Variants in TRAP1 observed in about 807,000 individuals in gnomAD.
TRAP1 encodes the protein TNF receptor associated protein 1.
TRAP1 carries 102 observed loss-of-function variants against 89.1 expected under a neutral mutation model. That is an observed-to-expected ratio of 1.15 (90% CI 0.98 to 1.35). The LOEUF (loss-of-function observed/expected upper bound fraction) is 1.35. TRAP1 is among the 40% of genes most tolerant of loss of function. The pLI is 0.00. For missense variants in TRAP1, 1,256 were observed against 945.3 expected (o/e 1.33, Z -4.31); for synonymous variants, 508 against 388.0 (o/e 1.31, Z -3.64).
At chr16:3,690,718 C>T (rs1182219949) in intron 2 of TRAP1, 109 bp downstream of exon 2, 7 of 1,178,892 alleles carry the variant, frequency 5.9e-6, no homozygotes, top group Non-Finnish European at 7.8e-6. Flanking sequence ...TCTGATTTCA[C>T]ACCTAAGGCG....
At position 3,672,735 on chromosome 16, in the gene TRAP1, G is replaced by A. The variant is rs774978448; in HGVS notation, c.1130C>T (p.Thr377Met). The A allele has an allele frequency of 1.2e-5, 20 of 1,610,178 alleles. No individual in the cohort carries two copies. The East Asian group carries it at 1.3e-4, about 11-fold the overall frequency. Residue 377 changes from threonine (T) to methionine (M), a missense_variant, in exon 10 of 18, where the codon ACG (threonine) becomes ATG (methionine). By Grantham distance (81) the Thr-to-Met change is moderately conservative. Coordinates refer to ENST00000246957, the MANE Select transcript of TRAP1 (RefSeq NM_016292.3). ...SRKVLIQTKA[T>M]DILPKWLRFI... Reference sequence around the variant, plus strand: ...GCGCAGCCACTTGGGCAGGATGTCCGTGGCCTTGGTCTGGATGAGGACTTT... The same window carrying A: ...GCGCAGCCACTTGGGCAGGATGTCCATGGCCTTGGTCTGGATGAGGACTTT...
At chr16:3,667,372 G>A (rs569625797) in intron 11 of TRAP1, among the ~76,000 whole-genome samples, 1 of 152,034 alleles carries the variant, frequency 6.6e-6, no homozygotes, top group East Asian at 1.9e-4. Context: ...GCCTGTAATC[G>A]CACCACTTTG....
At chr16:3,659,803 T>C (rs760871058) in intron 16 of TRAP1, 7 of 151,808 alleles carry the variant, frequency 4.6e-5, no homozygotes, top group Non-Finnish European at 1.0e-4. Flanking sequence ...TCACCCAAGC[T>C]AGAGTGAAAT....
At chr16:3,698,037 T>C (rs540609488) in intron 1 of TRAP1, among the ~76,000 whole-genome samples, 2 of 152,152 alleles carry the variant, frequency 1.3e-5, no homozygotes, top group South Asian at 4.2e-4. Context: ...GGTCTCGAAC[T>C]CCTGACCTCG....
At chr16:3,679,673 G>A (rs1596720290) in intron 5 of TRAP1, 46 bp downstream of exon 5, 1 of 1,604,010 alleles carries the variant, frequency 6.2e-7, no homozygotes, top group Non-Finnish European at 8.5e-7. Context: ...AGGGATCCTT[G>A]CACCCTGAGG....
At chr16:3,658,368 C>G in intron 17 of TRAP1, 138 bp from the exon 18 acceptor site, 3 of 689,806 alleles carry the variant, frequency 4.3e-6, no homozygotes, top group African/African-American at 1.8e-5. Flanking sequence ...TCAGGTGATC[C>G]CCCCGCCTCC....
chr16:3,695,626 C>G (rs929577043), intron 1 of TRAP1, among the ~76,000 whole-genome samples: 1 of 151,020 alleles, frequency 6.6e-6, no homozygotes, highest in Non-Finnish European at 1.5e-5. Flanking sequence ...GAAATACAAA[C>G]AGCAAATATG....
At chr16:3,671,689 A>G in intron 11 of TRAP1, 33 bp downstream of exon 11, 2 of 1,607,486 alleles carry the variant, frequency 1.2e-6, no homozygotes, top group Non-Finnish European at 1.7e-6. Context: ...CCTTGTCCCC[A>G]GCAGGGTCCT....
chr16:3,699,336 A>T (rs1041086269), intron 1 of TRAP1, among the ~76,000 whole-genome samples: 2 of 152,152 alleles, frequency 1.3e-5, no homozygotes, highest in Non-Finnish European at 2.9e-5. Context: ...TATGCTGCCC[A>T]TTTAAAAAAA....
chr16:3,694,482 T>A (rs761239968), intron 1 of TRAP1, among the ~76,000 whole-genome samples: 2 of 152,058 alleles, frequency 1.3e-5, no homozygotes, highest in Non-Finnish European at 2.9e-5. Flanking sequence ...TAGCTGGGAT[T>A]ACAGGCACGC....
chr16:3,696,580 G>C (rs150832108), intron 1 of TRAP1, among the ~76,000 whole-genome samples: 328 of 152,230 alleles, frequency 2.2e-3, no homozygotes, highest in African/African-American at 6.6e-3. Context: ...TTTTGAGACA[G>C]GGTCTCACTC....
intron 1 of TRAP1, among the ~76,000 whole-genome samples, chr16:3,710,871 A>ATTTTTT (rs1289903709): frequency 5.8e-4 from 63 of 109,116 alleles, no homozygotes; most frequent in African/African-American, 3.0e-3. Context: ...ATATATATAT[A>ATTTTTT]TATATATATT....
chr16:3,700,228 C>T (rs1454036304), intron 1 of TRAP1, among the ~76,000 whole-genome samples: 2 of 151,484 alleles, frequency 1.3e-5, no homozygotes, highest in East Asian at 2.0e-4. Flanking sequence ...AGTGCAATGG[C>T]GCGATCTCAG....
chr16:3,676,183 G>C (rs34276322), intron 6 of TRAP1, 38 bp from the exon 7 acceptor site: 1 of 1,575,470 alleles, frequency 6.3e-7, no homozygotes, highest in Non-Finnish European at 8.7e-7. Flanking sequence ...AGGTGGATGT[G>C]ACACTGGGAC....
intron 8 of TRAP1, 104 bp downstream of exon 8, chr16:3,675,220 G>A (rs924726772): frequency 6.2e-6 from 7 of 1,134,560 alleles, no homozygotes; most frequent in Admixed American, 6.0e-5. Flanking sequence ...AGCTCGCCCT[G>A]TGACTCTGGG....
chr16:3,676,964 C>G (rs187331608), intron 6 of TRAP1: 1,969 of 154,418 alleles, frequency 0.013, 11 homozygotes, highest in Non-Finnish European at 0.017. Flanking sequence ...TGAGGCAGGC[C>G]AATTGCTTGA....
intron 16 of TRAP1, 142 bp downstream of exon 16, chr16:3,661,845 C>G (rs2043094549): frequency 3.5e-6 from 4 of 1,135,362 alleles, no homozygotes; most frequent in Non-Finnish European, 4.7e-6. Flanking sequence ...GCAGCCTAAA[C>G]TGCATACAGC....
At chr16:3,682,041 G>A (rs768432817) in intron 4 of TRAP1, among the ~76,000 whole-genome samples, 8 of 152,104 alleles carry the variant, frequency 5.3e-5, no homozygotes, top group Non-Finnish European at 1.0e-4. Flanking sequence ...CAGAGCACAG[G>A]AACAGAGATG....
At chr16:3,689,168 A>T in intron 2 of TRAP1, 31 bp from the exon 3 acceptor site, 1 of 1,582,492 alleles carries the variant, frequency 6.3e-7, no homozygotes, top group Non-Finnish European at 8.7e-7. Flanking sequence ...CAACCAACAA[A>T]GTTTAACTTC....
Sources: gnomAD v4.1 joint callset for allele counts (sites outside exome capture counted in the v4.1 genomes callset) on GRCh38, gnomAD v4.1.1 for gene constraint, MANE v1.5 for transcripts, NCBI Gene and HGNC (gene_info 2026-07-23, HGNC 2026-07-21) for gene names.